The following PSMD1 variants were observed in gnomAD, a reference collection of about 807,000 sequenced individuals.
PSMD1 encodes the protein proteasome 26S subunit, non-ATPase 1, also known as 26S proteasome non-ATPase regulatory subunit 1.
Under a neutral mutation model 119.0 loss-of-function variants are expected in PSMD1, and 18 were observed. The observed-to-expected ratio is 0.15, with a 90% confidence interval of 0.10 to 0.22. The LOEUF is 0.22. Among genes scored for constraint, PSMD1 ranks in the 10% least tolerant of loss-of-function variants. The probability of loss-of-function intolerance (pLI) is 1.00; values close to 1 mark genes in which losing one functional copy is unlikely to be tolerated. For missense variants in PSMD1, 702 were observed against 1,158.5 expected (o/e 0.61, Z 5.72); for synonymous variants, 374 against 396.6 (o/e 0.94, Z 0.68).
At chr2:231,152,227 A>T (rs551811665) in intron 18 of PSMD1, among the ~76,000 whole-genome samples, 2 of 152,322 alleles carry the variant, frequency 1.3e-5, no homozygotes, top group African/African-American at 4.8e-5. Flanking sequence ...TGTGCTGGGT[A>T]GTGGCAGAGT....
chr2:231,109,191 G>T (rs761682358), intron 16 of PSMD1: 1 of 1,614,188 alleles, frequency 6.2e-7, no homozygotes, highest in Admixed American at 1.7e-5. Context: ...CATGTTAGGC[G>T]TTGAGGTGGC....
At chr2:231,146,134 AGT>A in intron 17 of PSMD1, 104 bp from the exon 18 acceptor site, 1 of 718,662 alleles carries the variant, frequency 1.4e-6, no homozygotes, top group Non-Finnish European at 2.5e-6. Flanking sequence ...TCATATATGC[AGT>A]GTGTCACTTC....
At chr2:231,111,505 C>A (rs1695154051) in intron 16 of PSMD1, among the ~76,000 whole-genome samples, 1 of 152,194 alleles carries the variant, frequency 6.6e-6, no homozygotes, top group Non-Finnish European at 1.5e-5. Context: ...TGCCCTTACC[C>A]TGTTATATTA....
chr2:231,056,991 G>C lies in PSMD1; in HGVS notation c.-35G>C. On this transcript the variant is annotated 5_prime_UTR_variant, in exon 1 of 25. Coordinates refer to ENST00000308696, the MANE Select transcript of PSMD1 (RefSeq NM_002807.4). Reference sequence around the variant, plus strand: ...ACAGATACACTGCGCAGCTGGAACGGCGAGCGAGCCGACGGGCGAGTGAGG... The same window carrying C: ...ACAGATACACTGCGCAGCTGGAACGCCGAGCGAGCCGACGGGCGAGTGAGG... 6.5e-7 allele frequency: 1 copy of C among 1,540,104 alleles called. No homozygotes were observed. Among genetic ancestry groups the C allele is most frequent in the Non-Finnish European group, 8.7e-7 (1 of 1,144,504 alleles).
intron 13 of PSMD1, among the ~76,000 whole-genome samples, chr2:231,083,314 T>A (rs191488862): frequency 4.6e-5 from 7 of 152,196 alleles, no homozygotes; most frequent in Non-Finnish European, 7.3e-5. Context: ...TCCTTTGAAA[T>A]CACTGTAGGA....
chr2:231,099,848 C>A (rs2125192595), intron 16 of PSMD1, among the ~76,000 whole-genome samples: 1 of 152,268 alleles, frequency 6.6e-6, no homozygotes. Context: ...TCACTGCCCC[C>A]CTCCCCCTTG....
intron 16 of PSMD1, among the ~76,000 whole-genome samples, chr2:231,088,885 T>C (rs1164819867): frequency 6.6e-6 from 1 of 152,210 alleles, no homozygotes. Context: ...GCCTCTTGCA[T>C]CACAGATAGC....
At chr2:231,158,493 C>T (rs1696561431) in intron 19 of PSMD1, among the ~76,000 whole-genome samples, 2 of 152,154 alleles carry the variant, frequency 1.3e-5, no homozygotes, top group African/African-American at 4.8e-5. Flanking sequence ...ATGATAAACT[C>T]TACCTTATTT....
intron 16 of PSMD1, among the ~76,000 whole-genome samples, chr2:231,089,568 G>A (rs963047155): frequency 6.6e-6 from 1 of 151,602 alleles, no homozygotes; most frequent in African/African-American, 2.4e-5. Flanking sequence ...ATTAGTCAGG[G>A]TTCCCTAGAG....
chr2:231,079,691 A>T, intron 11 of PSMD1, 77 bp downstream of exon 11: 1 of 878,844 alleles, frequency 1.1e-6, no homozygotes, highest in Non-Finnish European at 1.7e-6. Context: ...ATAACAGTTT[A>T]TTATAATTCA....
chr2:231,147,387 A>G (rs1357405393), intron 18 of PSMD1, among the ~76,000 whole-genome samples: 1 of 152,138 alleles, frequency 6.6e-6, no homozygotes, highest in Non-Finnish European at 1.5e-5. Context: ...AGTCCCAGCT[A>G]TTTGGGAGCT....
chr2:231,165,771 C>T (rs1466381764), intron 22 of PSMD1, 100 bp from the exon 23 acceptor site: 3 of 1,073,018 alleles, frequency 2.8e-6, no homozygotes, highest in African/African-American at 3.2e-5. Context: ...CGACCACTAC[C>T]TCTTGTACCT....
At chr2:231,128,500 C>G (rs936248063) in intron 16 of PSMD1, among the ~76,000 whole-genome samples, 1 of 152,230 alleles carries the variant, frequency 6.6e-6, no homozygotes, top group Non-Finnish European at 1.5e-5. Context: ...CTCCTTCATT[C>G]TCTTCTGACT....
chr2:231,089,963 C>T (rs1372043129), intron 16 of PSMD1, among the ~76,000 whole-genome samples: 1 of 152,166 alleles, frequency 6.6e-6, no homozygotes, highest in Non-Finnish European at 1.5e-5. Context: ...TCCTTCAATC[C>T]AGTCAAGTTG....
intron 20 of PSMD1, 162 bp from the exon 21 acceptor site, chr2:231,163,473 C>A: frequency 3.7e-6 from 2 of 539,314 alleles, no homozygotes; most frequent in Non-Finnish European, 6.6e-6. Context: ...TGTAAAGAAC[C>A]TAAAAACTAA....
intron 23 of PSMD1, 97 bp downstream of exon 23, chr2:231,166,114 G>A: frequency 8.3e-7 from 1 of 1,206,040 alleles, no homozygotes; most frequent in South Asian, 2.1e-5. Flanking sequence ...CCAAAGCATT[G>A]GAGCAAGCTC....
chr2:231,138,662 T>G, intron 16 of PSMD1, 74 bp from the exon 17 acceptor site: 1 of 1,118,284 alleles, frequency 8.9e-7, no homozygotes, highest in Non-Finnish European at 1.3e-6. Context: ...CAAAAACAAC[T>G]TGGTTAAAAC....
Position 231,080,242 on chromosome 2 carries a change from T to G in PSMD1, c.1341T>G (p.Gly447=). ...AAGGTGGAGGTCTCTATGCACTAGG[T>G]CTTATTCATGCCAATCATGGTGGTG... ...YQEGGGLYAL[G]LIHANHGGDI... The change falls in exon 12 of 25, where the codon GGT becomes GGG. Residue 447 remains glycine (G), a synonymous_variant. Coordinates refer to ENST00000308696, the MANE Select transcript of PSMD1 (RefSeq NM_002807.4). The G allele has an allele frequency of 6.2e-7, 1 of 1,613,140 alleles. No individual in the cohort carries two copies. Among genetic ancestry groups the G allele is most frequent in the Non-Finnish European group, 8.5e-7 (1 of 1,179,116 alleles).
chr2:231,166,246 C>A (rs552757621), intron 23 of PSMD1, among the ~76,000 whole-genome samples: 1 of 152,176 alleles, frequency 6.6e-6, no homozygotes, highest in Admixed American at 6.5e-5. Context: ...CACAGACATA[C>A]GACGTAGGAG....
Sources: gnomAD v4.1 joint callset for allele counts (sites outside exome capture counted in the v4.1 genomes callset) on GRCh38, gnomAD v4.1.1 for gene constraint, MANE v1.5 for transcripts, NCBI Gene and HGNC (gene_info 2026-07-23, HGNC 2026-07-21) for gene names.